SIN3B: variants seen among roughly 807,000 people sequenced by gnomAD.
The protein encoded by SIN3B is SIN3 transcription regulator family member B.
A neutral mutation model predicts 120.2 loss-of-function variants in SIN3B; 19 were observed. The ratio of observed to expected loss-of-function variants is 0.16; its 90% CI spans 0.11 to 0.23. SIN3B has a LOEUF of 0.23. SIN3B is among the 10% of genes least tolerant of loss of function. The probability of loss-of-function intolerance (pLI) is 1.00; values close to 1 mark genes in which losing one functional copy is unlikely to be tolerated. For synonymous variants in SIN3B, 654 were observed against 653.2 expected, an observed-to-expected ratio of 1.00 and a Z score of -0.02; for missense variants, 1,073 against 1,573.0, an observed-to-expected ratio of 0.68 and a Z score of 5.38.
rs916516257 is a variant in SIN3B at position 16,879,194 on chromosome 19, C to T, written c.*467C>T. On this transcript the variant is annotated 3_prime_UTR_variant, in exon 19 of 19. Coordinates refer to ENST00000248054, the MANE Select transcript of SIN3B (RefSeq NM_001297595.2). ...GGTAGGCTTGCTTGAAAAGTGAGTCCTTCCAGAATATTCTCAGAGCTGCCA... is the reference window on the plus strand; with the variant it reads ...GGTAGGCTTGCTTGAAAAGTGAGTCTTTCCAGAATATTCTCAGAGCTGCCA... 3 of 168,510 alleles carry T rather than the reference C, an allele frequency of 1.8e-5. No homozygotes were observed. Among genetic ancestry groups the T allele is most frequent in the African/African-American group, 7.2e-5 (3 of 41,788 alleles). The allele number at this position is 168,510 out of a possible 1,614,324, so 10.4% of individuals were successfully genotyped here.
intron 5 of SIN3B, among the ~76,000 whole-genome samples, chr19:16,850,523 C>A (rs961380684): frequency 1.2e-4 from 18 of 152,052 alleles, no homozygotes; most frequent in African/African-American, 3.6e-4. Context: ...AGTATCTGAT[C>A]GCTGCGGGCT....
At chr19:16,847,235 A>T (rs1971490785) in intron 5 of SIN3B, 122 bp downstream of exon 5, 1 of 1,099,920 alleles carries the variant, frequency 9.1e-7, no homozygotes, top group Non-Finnish European at 1.3e-6. Flanking sequence ...GGTCCCCCAG[A>T]AGCTACGCAG....
Position 16,876,425 on chromosome 19 carries a change from C to T in SIN3B, c.2767-61C>T, listed in dbSNP as rs1419476574. On this transcript the variant is annotated intron_variant, in intron 15 of 18. Coordinates refer to ENST00000248054, the MANE Select transcript of SIN3B (RefSeq NM_001297595.2). The surrounding 1 kb of genome is among the most constrained non-coding windows in gnomAD (Gnocchi z 7.1). ...GGCGGGAGGCGGGTGGCCTTGCGAGCCTGCGCTGTGCCGGCTGGGCTGTGC... is the reference window on the plus strand; with the variant it reads ...GGCGGGAGGCGGGTGGCCTTGCGAGTCTGCGCTGTGCCGGCTGGGCTGTGC... 1 of 1,557,446 alleles carries T rather than the reference C, an allele frequency of 6.4e-7. No individual in the cohort carries two copies. Among genetic ancestry groups the T allele is most frequent in the Non-Finnish European group, 8.8e-7 (1 of 1,135,312 alleles).
chr19:16,871,179 G>A (rs770127216), intron 13 of SIN3B, 50 bp from the exon 14 acceptor site: 1 of 1,612,240 alleles, frequency 6.2e-7, no homozygotes, highest in Non-Finnish European at 8.5e-7. Flanking sequence ...TGGCCTGCGT[G>A]ACTTTGCGCT....
intron 2 of SIN3B, among the ~76,000 whole-genome samples, chr19:16,831,030 G>C (rs1045877922): frequency 6.6e-6 from 1 of 152,010 alleles, no homozygotes; most frequent in Non-Finnish European, 1.5e-5. Context: ...TCAGGAGATA[G>C]GTCATGGTGT....
intron 3 of SIN3B, among the ~76,000 whole-genome samples, chr19:16,836,260 G>T (rs1005553536): frequency 1.3e-5 from 2 of 152,166 alleles, no homozygotes; most frequent in African/African-American, 4.8e-5. Flanking sequence ...TGTCCCCTGG[G>T]TGGCAGAGTT....
In SIN3B at chr19:16,846,918, G is replaced by T. The variant is rs547758774; in HGVS notation, c.583-52G>T. On this transcript the variant is annotated intron_variant, in intron 4 of 18. Transcript: ENST00000248054. The stretch of plus-strand genomic sequence containing the variant: ...GGCTGCCTGAGTGTCCCGGCCCAGG[G>T]CACAGCACTCCTTGACTAACGACTT... 6.3e-5 allele frequency: 100 copies of T among 1,585,472 alleles called. No homozygotes were observed. In the African/African-American group the frequency reaches 9.5e-4, roughly 15 times the overall value.
chr19:16,853,694 C>T (rs547285675), intron 7 of SIN3B, among the ~76,000 whole-genome samples: 54 of 149,318 alleles, frequency 3.6e-4, no homozygotes, highest in Middle Eastern at 3.5e-3. Flanking sequence ...AATTGCTGCA[C>T]GGATCGCGTG....
intron 14 of SIN3B, chr19:16,871,608 C>T (rs1174813427): frequency 3.7e-6 from 2 of 539,486 alleles, no homozygotes; most frequent in African/African-American, 2.0e-5. Context: ...TGTGCAACCA[C>T]CACCTCTGTC....
chr19:16,877,277 C>G, intron 16 of SIN3B: 1 of 483,192 alleles, frequency 2.1e-6, no homozygotes, highest in Non-Finnish European at 3.7e-6. Flanking sequence ...TGGGGCGGAT[C>G]CTTCCTGCTC....
chr19:16,846,964 T>G lies in SIN3B; in HGVS notation c.583-6T>G, dbSNP rs1192387399. ...GACTTATTTTCCCTTTCCTGAAAAC[T>G]GGCAGAAGGAGCAGCTGAACACGAG... On this transcript the variant is annotated splice_region_variant and splice_polypyrimidine_tract_variant and intron_variant, in intron 4 of 18. Coordinates refer to ENST00000248054, the MANE Select transcript of SIN3B (RefSeq NM_001297595.2). The G allele has an allele frequency of 6.2e-7, 1 of 1,613,014 alleles. No homozygotes were observed. Among genetic ancestry groups the G allele is most frequent in the Non-Finnish European group, 8.5e-7 (1 of 1,179,224 alleles).
rs201028029 is a variant in SIN3B at position 16,877,594 on chromosome 19, G to T, written c.2909G>T (p.Ser970Ile). 1.6e-5 allele frequency: 25 copies of T among 1,612,454 alleles called. No homozygotes were observed. The highest frequency in any genetic ancestry group is 5.0e-5 in the Admixed American group (3 of 59,816). ...TATGTGGGGACCGAGGGCGCGTCCAGCTCGCCCACTGAGGGCTTCCTCCTG... is the reference window on the plus strand; with the variant it reads ...TATGTGGGGACCGAGGGCGCGTCCATCTCGCCCACTGAGGGCTTCCTCCTG... ...EQYVGTEGASSSPTEGFLLKP... is the reference protein window; with the variant it reads ...EQYVGTEGASISPTEGFLLKP... The change falls in exon 17 of 19, where the codon AGC (serine) becomes ATC (isoleucine). Residue 970 changes from serine (S) to isoleucine (I), a missense_variant. Around this residue, in one of 7 missense-constraint regions of SIN3B, gnomAD observed 311 missense variants for 400.3 expected, o/e 0.78. Coordinates refer to ENST00000248054, the MANE Select transcript of SIN3B (RefSeq NM_001297595.2).
Position 16,862,709 on chromosome 19 carries a change from C to A in SIN3B, c.1266+150C>A. The A allele has an allele frequency of 9.4e-7, 1 of 1,068,318 alleles. No individual in the cohort carries two copies. The highest frequency in any genetic ancestry group is 1.4e-6 in the Non-Finnish European group (1 of 707,908). The allele number at this position is 1,068,318 out of a possible 1,614,324, so 66.2% of individuals were successfully genotyped here. Reference sequence around the variant, plus strand: ...TGGGTGGTGCTGGGATGTGGCCCGGCAAAACCACCTGAGCAGAGACAACAG... The same window carrying A: ...TGGGTGGTGCTGGGATGTGGCCCGGAAAAACCACCTGAGCAGAGACAACAG... On this transcript the variant is annotated intron_variant, in intron 9 of 18. Coordinates refer to ENST00000248054, the MANE Select transcript of SIN3B (RefSeq NM_001297595.2). The surrounding 1 kb of genome is among the most constrained non-coding windows in gnomAD (Gnocchi z 4.7).
At position 16,876,238 on chromosome 19, in the gene SIN3B, G is replaced by A. The variant is rs778392917; in HGVS notation, c.2766+10G>A. 6.2e-7 allele frequency: 1 copy of A among 1,603,992 alleles called. No individual in the cohort carries two copies. The highest frequency in any genetic ancestry group is 1.1e-5 in the South Asian group (1 of 90,674). ...CGAGAACTGCTTCAAGGTGAGAGGA[G>A]GCCTGGGGCTGGGAACACGCCGGGA... On this transcript the variant is annotated intron_variant, in intron 15 of 18. Coordinates refer to ENST00000248054, the MANE Select transcript of SIN3B (RefSeq NM_001297595.2). This position sits in a 1 kb window ranked among gnomAD's most constrained non-coding sequence, Gnocchi z 7.1.
chr19:16,876,798 C>T lies in SIN3B; in HGVS notation c.2859+220C>T. ...CCTCTCCAAAGAGCAGACCACTCCT[C>T]CTGAGCAAGCGGTTGTGTCCCAGGG... On this transcript the variant is annotated intron_variant, in intron 16 of 18. Transcript: ENST00000248054. The surrounding 1 kb of genome is among the most constrained non-coding windows in gnomAD (Gnocchi z 7.1). The T allele has an allele frequency of 2.0e-6, 1 of 506,552 alleles. No homozygotes were observed. The highest frequency in any genetic ancestry group is 2.6e-5 in the South Asian group (1 of 38,120). The allele number at this position is 506,552 out of a possible 1,614,324, so 31.4% of individuals were successfully genotyped here. A position where few individuals can be genotyped will look rare whatever the true frequency, so the allele number is the denominator to read the frequency against.
intron 3 of SIN3B, among the ~76,000 whole-genome samples, chr19:16,839,019 G>A (rs1971384062): frequency 6.9e-6 from 1 of 144,138 alleles, no homozygotes. Context: ...TGTTTCCCAG[G>A]CTGGAGTGCG....
At chr19:16,861,016 C>T (rs938813712) in intron 8 of SIN3B, among the ~76,000 whole-genome samples, 3 of 152,112 alleles carry the variant, frequency 2.0e-5, no homozygotes, top group African/African-American at 7.2e-5. Context: ...TCCTGAGTAG[C>T]TGGGATTCCA....
At chr19:16,854,296 G>T (rs771030815) in intron 8 of SIN3B, 35 bp downstream of exon 8, 7 of 1,393,080 alleles carry the variant, frequency 5.0e-6, no homozygotes, top group Admixed American at 3.9e-5. Flanking sequence ...CCCTAGGGGG[G>T]TTCTGTTCCT....
chr19:16,868,204 A>T (rs546514071), intron 12 of SIN3B, among the ~76,000 whole-genome samples: 1 of 152,270 alleles, frequency 6.6e-6, no homozygotes, highest in East Asian at 1.9e-4. Flanking sequence ...AAGCAGTCAG[A>T]GGGCGATGGT....
Sources: gnomAD v4.1 joint callset for allele counts (sites outside exome capture counted in the v4.1 genomes callset) on GRCh38, gnomAD v4.1.1 for gene constraint, gnomAD v4.1.1 regional missense constraint, Gnocchi (gnomAD v3.1) non-coding constraint, MANE v1.5 for transcripts, NCBI Gene and HGNC (gene_info 2026-07-23, HGNC 2026-07-21) for gene names.